Variants in SLC30A8 observed in about 807,000 individuals in gnomAD.
SLC30A8 encodes proton-coupled zinc antiporter SLC30A8.
A neutral mutation model predicts 36.9 loss-of-function variants in SLC30A8; 27 were observed. The observed-to-expected ratio is 0.73, with a 90% CI of 0.54 to 1.01. The LOEUF (loss-of-function observed/expected upper bound fraction) is 1.01. Among genes scored for constraint, SLC30A8 ranks in the 50% least tolerant of loss-of-function variants. The probability of loss-of-function intolerance (pLI) is 0.00; values close to 1 mark genes in which losing one functional copy is unlikely to be tolerated. For synonymous variants in SLC30A8, 164 were observed against 172.4 expected, an observed-to-expected ratio of 0.95 and a Z score of 0.38; for missense variants, 439 against 452.0, an observed-to-expected ratio of 0.97 and a Z score of 0.26.
At chr8:117,064,822 G>A (rs1157717280) in intron 2 of SLC30A8, among the ~76,000 whole-genome samples, 1 of 152,312 alleles carries the variant, frequency 6.6e-6, no homozygotes, top group East Asian at 1.9e-4. Context: ...GAGGAGGGGA[G>A]AGAAATATGT....
At chr8:117,081,452 A>G (rs775032114) in intron 2 of SLC30A8, among the ~76,000 whole-genome samples, 5 of 152,188 alleles carry the variant, frequency 3.3e-5, no homozygotes, top group Non-Finnish European at 7.3e-5. Context: ...TTGTGAGGAC[A>G]TTAGTCAGAT....
At chr8:117,023,142 A>T (rs1385194973) in intron 1 of SLC30A8, among the ~76,000 whole-genome samples, 1 of 152,246 alleles carries the variant, frequency 6.6e-6, no homozygotes. Flanking sequence ...ATTGGCCATC[A>T]GAGAAATGCA....
At chr8:117,146,625 T>A (rs1459585753) in intron 1 of SLC30A8, among the ~76,000 whole-genome samples, 1 of 152,184 alleles carries the variant, frequency 6.6e-6, no homozygotes, top group African/African-American at 2.4e-5. Flanking sequence ...GTCCACAGTC[T>A]TTTTAGAGTG....
At chr8:117,089,118 G>A (rs557540448) in intron 2 of SLC30A8, among the ~76,000 whole-genome samples, 2 of 152,092 alleles carry the variant, frequency 1.3e-5, no homozygotes, top group South Asian at 2.1e-4. Flanking sequence ...TTCCTTTCAG[G>A]TTTTCATTTG....
rs1823358857 is a variant in SLC30A8 at position 117,171,111 on chromosome 8, C to T, written c.907C>T (p.Leu303=). The T allele has an allele frequency of 6.2e-7, 1 of 1,613,236 alleles. No homozygotes were observed. Among genetic ancestry groups the T allele is most frequent in the Non-Finnish European group, 8.5e-7 (1 of 1,179,424 alleles). The change falls in exon 7 of 8, where the codon CTG becomes TTG. Residue 303 remains leucine, a synonymous_variant. Transcript: ENST00000456015. The part of the protein sequence containing the change: ...AVDGVLSVHS[L]HIWSLTMNQV... Reference sequence around the variant, plus strand: ...CGACGGGGTGCTGTCTGTGCACAGCCTGCACATCTGGTCTCTAACAATGAA... The same window carrying T: ...CGACGGGGTGCTGTCTGTGCACAGCTTGCACATCTGGTCTCTAACAATGAA...
At chr8:117,019,601 C>T (rs763687108) in intron 1 of SLC30A8, among the ~76,000 whole-genome samples, 17 of 152,160 alleles carry the variant, frequency 1.1e-4, no homozygotes, top group Non-Finnish European at 1.9e-4. Context: ...TTTCTCCTTC[C>T]TTCTTGAGGG....
intron 1 of SLC30A8, among the ~76,000 whole-genome samples, chr8:116,958,841 ATTTT>A (rs758505118): frequency 6.2e-4 from 37 of 60,018 alleles, no homozygotes; most frequent in African/African-American, 2.6e-3. Context: ...TGCTCTTTTC[ATTTT>A]TTTTTTTTTT....
At chr8:117,054,761 C>T (rs1479073250) in intron 2 of SLC30A8, among the ~76,000 whole-genome samples, 1 of 151,992 alleles carries the variant, frequency 6.6e-6, no homozygotes, top group Non-Finnish European at 1.5e-5. Flanking sequence ...ATAAAGTTTT[C>T]CCAGAGCTAA....
At chr8:117,088,788 G>A (rs1818985406) in intron 2 of SLC30A8, among the ~76,000 whole-genome samples, 1 of 152,192 alleles carries the variant, frequency 6.6e-6, no homozygotes, top group Non-Finnish European at 1.5e-5. Context: ...GGATACTGTT[G>A]AGTCCAGATG....
At chr8:117,166,969 A>T (rs1823089861) in intron 6 of SLC30A8, among the ~76,000 whole-genome samples, 1 of 151,990 alleles carries the variant, frequency 6.6e-6, no homozygotes, top group Middle Eastern at 3.4e-3. Flanking sequence ...GTCAAATGTC[A>T]CAGAGTAATA....
At chr8:116,969,016 G>A (rs1586339727) in intron 1 of SLC30A8, among the ~76,000 whole-genome samples, 1 of 152,058 alleles carries the variant, frequency 6.6e-6, no homozygotes, top group South Asian at 2.1e-4. Context: ...ATTAAAGCAT[G>A]AGCCAATGTG....
chr8:117,138,539 G>T (rs1821477141), intron 1 of SLC30A8, among the ~76,000 whole-genome samples: 1 of 151,844 alleles, frequency 6.6e-6, no homozygotes, highest in Admixed American at 6.6e-5. Flanking sequence ...AGAGCAAAAG[G>T]CTGTTGGAAT....
At chr8:117,143,880 CT>C (rs759887431) in intron 1 of SLC30A8, among the ~76,000 whole-genome samples, 1 of 152,126 alleles carries the variant, frequency 6.6e-6, no homozygotes, top group African/African-American at 2.4e-5. Context: ...CACTTTCCTC[CT>C]TGTGGCATTG....
chr8:117,023,829 C>G (rs1816788340), intron 1 of SLC30A8, among the ~76,000 whole-genome samples: 1 of 151,896 alleles, frequency 6.6e-6, no homozygotes, highest in African/African-American at 2.4e-5. Flanking sequence ...GTGTAACTAA[C>G]CTGCACATTG....
intron 2 of SLC30A8, among the ~76,000 whole-genome samples, chr8:117,064,270 A>G (rs1223002854): frequency 2.0e-5 from 3 of 152,194 alleles, no homozygotes; most frequent in African/African-American, 7.2e-5. Flanking sequence ...TGCTGGGATT[A>G]CAGTCATGAG....
intron 2 of SLC30A8, among the ~76,000 whole-genome samples, chr8:117,043,795 A>T (rs1817462933): frequency 6.6e-6 from 1 of 152,228 alleles, no homozygotes; most frequent in African/African-American, 2.4e-5. Flanking sequence ...CGTAAATGAG[A>T]TACCTCAAAA....
chr8:117,163,611 GCTCA>G (rs1423628350), intron 6 of SLC30A8, 81 bp downstream of exon 6: 1 of 969,188 alleles, frequency 1.0e-6, no homozygotes, highest in African/African-American at 1.7e-5. Flanking sequence ...TACAAGGCAT[GCTCA>G]CTGTTAATTT....
chr8:116,975,838 G>A (rs1426919136), intron 1 of SLC30A8, among the ~76,000 whole-genome samples: 2 of 152,234 alleles, frequency 1.3e-5, no homozygotes, highest in Non-Finnish European at 2.9e-5. Flanking sequence ...TGGAATAGCA[G>A]GAGATAGACT....
chr8:116,963,227 A>C (rs1374041186), intron 1 of SLC30A8, among the ~76,000 whole-genome samples: 1 of 152,208 alleles, frequency 6.6e-6, no homozygotes, highest in African/African-American at 2.4e-5. Context: ...TTAGATTTTG[A>C]GCAGGACTAT....
Sources: allele counts gnomAD v4.1 joint callset (sites outside exome capture counted in the v4.1 genomes callset), GRCh38; gene constraint gnomAD v4.1.1; transcripts MANE v1.5; gene names NCBI Gene and HGNC (gene_info 2026-07-23, HGNC 2026-07-21).